ITCH: variants seen among roughly 807,000 people sequenced by gnomAD.
ITCH encodes the protein E3 ubiquitin-protein ligase Itchy homolog.
In ITCH, 28 loss-of-function variants were observed where a neutral mutation model predicts 126.8. That is an observed-to-expected ratio of 0.22 (90% CI 0.16 to 0.30). The LOEUF is 0.30. Among genes scored for constraint, ITCH ranks in the 10% least tolerant of loss-of-function variants. ITCH has a pLI of 1.00. For missense variants in ITCH, 631 were observed against 1,032.4 expected (o/e 0.61, Z 5.33); for synonymous variants, 342 against 340.0 (o/e 1.01, Z -0.06).
intron 7 of ITCH, 143 bp downstream of exon 7, chr20:34,424,668 A>G: frequency 1.3e-6 from 1 of 798,618 alleles, no homozygotes; most frequent in Non-Finnish European, 2.1e-6. Flanking sequence ...AATATTTGCA[A>G]AAGATTGAAG....
Position 34,510,413 on chromosome 20 carries a change from A to G in ITCH, c.*2619A>G, listed in dbSNP as rs1978648568. The G allele has an allele frequency of 6.8e-6, 1 of 147,838 alleles. No individual in the cohort carries two copies. Among genetic ancestry groups the G allele is most frequent in the South Asian group, 2.2e-4 (1 of 4,646 alleles). The allele number at this position is 147,838 out of a possible 1,614,324, so 9.2% of individuals were successfully genotyped here. Reference sequence around the variant, plus strand: ...TGCTTTTAGAAGTCTTTTTCTTTGTAAGCATTGTAAATGCTAATAAATCCT... The same window carrying G: ...TGCTTTTAGAAGTCTTTTTCTTTGTGAGCATTGTAAATGCTAATAAATCCT... On this transcript the variant is annotated 3_prime_UTR_variant, in exon 25 of 25. Coordinates refer to ENST00000374864, the MANE Select transcript of ITCH (RefSeq NM_031483.7).
intron 20 of ITCH, among the ~76,000 whole-genome samples, chr20:34,488,914 C>G (rs6120661): frequency 6.6e-6 from 1 of 152,052 alleles, no homozygotes; most frequent in East Asian, 1.9e-4. Flanking sequence ...TGTTGCACAC[C>G]TATATTCCCA....
At position 34,409,806 on chromosome 20, in the gene ITCH, G is replaced by A. The variant is rs187131751; in HGVS notation, c.212+1014G>A. Among the ~76,000 whole-genome samples the A allele has an allele frequency of 2.4e-4, 36 of 152,132 alleles. No individual in the cohort carries two copies. The East Asian group carries it at 5.4e-3, about 23-fold the overall frequency. On this transcript the variant is annotated intron_variant, in intron 4 of 24. Transcript: ENST00000374864. The stretch of plus-strand genomic sequence containing the variant: ...TTTTAACACAAAGCCCTAAATGTTG[G>A]CATTATAATCTAAGATATTGACAGC...
intron 20 of ITCH, among the ~76,000 whole-genome samples, chr20:34,486,665 T>TTTTATTTA (rs71194610): frequency 0.011 from 1,706 of 149,198 alleles, 29 homozygotes; most frequent in African/African-American, 0.037. Context: ...ATTTTATTTA[T>TTTTATTTA]TTTATTTATT....
intron 12 of ITCH, among the ~76,000 whole-genome samples, chr20:34,451,391 T>C (rs1347334481): frequency 6.6e-6 from 1 of 151,750 alleles, no homozygotes; most frequent in Non-Finnish European, 1.5e-5. Flanking sequence ...GCTTGGGAGT[T>C]TGAGGCTTCA....
At chr20:34,415,890 G>A (rs1209445829) in intron 6 of ITCH, among the ~76,000 whole-genome samples, 3 of 152,062 alleles carry the variant, frequency 2.0e-5, no homozygotes, top group Admixed American at 1.3e-4. Context: ...TTGGGAGGCC[G>A]AGGTGGGCTG....
Position 34,486,213 on chromosome 20 carries a change from C to CTTA in ITCH, c.2094-3052_2094-3050dup, listed in dbSNP as rs1196075679. ...TATTTATTTATTGTAGGAGATGGGT[C>CTTA]TTACTATGTTACCCAGGCTGGTCTC... On this transcript the variant is annotated intron_variant, in intron 20 of 24. Coordinates refer to ENST00000374864, the MANE Select transcript of ITCH (RefSeq NM_031483.7). Among the ~76,000 whole-genome samples the CTTA allele has an allele frequency of 4.6e-4, 70 of 152,026 alleles. 1 individual carries two copies. The highest frequency in any genetic ancestry group is 1.7e-3 in the African/African-American group (70 of 41,456).
At chr20:34,373,897 T>A (rs1343536079) in intron 2 of ITCH, among the ~76,000 whole-genome samples, 1 of 152,096 alleles carries the variant, frequency 6.6e-6, no homozygotes, top group Non-Finnish European at 1.5e-5. Flanking sequence ...TTTTTTTATT[T>A]TTTTTTAAGA....
At chr20:34,385,183 A>G (rs1212479512) in intron 2 of ITCH, among the ~76,000 whole-genome samples, 2 of 138,022 alleles carry the variant, frequency 1.4e-5, no homozygotes, top group Non-Finnish European at 1.5e-5. Flanking sequence ...ACGTCCAGCT[A>G]ATTTTATGTG....
intron 12 of ITCH, among the ~76,000 whole-genome samples, chr20:34,454,014 G>C (rs1050573570): frequency 5.9e-5 from 9 of 151,524 alleles, no homozygotes; most frequent in African/African-American, 2.2e-4. Context: ...AGAAGAAGAA[G>C]AACAAAGAGA....
intron 6 of ITCH, among the ~76,000 whole-genome samples, chr20:34,422,624 A>C (rs1980928487): frequency 6.6e-6 from 1 of 152,114 alleles, no homozygotes; most frequent in African/African-American, 2.4e-5. Context: ...ATACAACATA[A>C]AATTTACCCA....
chr20:34,417,070 T>C, intron 6 of ITCH: 1 of 600,728 alleles, frequency 1.7e-6, no homozygotes, highest in Non-Finnish European at 3.1e-6. Flanking sequence ...CCACCACACC[T>C]GGCTAATTTT....
chr20:34,431,430 G>A (rs1489324415), intron 7 of ITCH, among the ~76,000 whole-genome samples: 4 of 152,138 alleles, frequency 2.6e-5, no homozygotes, highest in Middle Eastern at 3.4e-3. Context: ...AAGGAAGAAA[G>A]GGAGGGCCTT....
At chr20:34,481,231 C>A (rs1228257299) in intron 20 of ITCH, 25 bp downstream of exon 20, 6 of 1,611,278 alleles carry the variant, frequency 3.7e-6, no homozygotes, top group Non-Finnish European at 5.1e-6. Flanking sequence ...TTTCACATTT[C>A]ACTTTTTGTT....
chr20:34,376,154 G>A (rs1439706109), intron 2 of ITCH, among the ~76,000 whole-genome samples: 1 of 152,056 alleles, frequency 6.6e-6, no homozygotes. Context: ...CCTCTGATCT[G>A]GGGCTTGACT....
chr20:34,420,726 G>C (rs1285030874), intron 6 of ITCH, among the ~76,000 whole-genome samples: 1 of 151,706 alleles, frequency 6.6e-6, no homozygotes, highest in Non-Finnish European at 1.5e-5. Context: ...GAAATCCTTG[G>C]GTATATAAAT....
intron 1 of ITCH, among the ~76,000 whole-genome samples, chr20:34,363,656 C>G (rs1367061736): frequency 2.0e-5 from 3 of 152,130 alleles, no homozygotes; most frequent in African/African-American, 4.8e-5. Flanking sequence ...GGCGTGGGTA[C>G]CGTCCGGCCC....
chr20:34,467,322 A>C (rs929863174), intron 14 of ITCH, among the ~76,000 whole-genome samples: 1 of 152,160 alleles, frequency 6.6e-6, no homozygotes, highest in Non-Finnish European at 1.5e-5. Flanking sequence ...TGAGCTCAAG[A>C]GTTCAAGACC....
Position 34,369,397 on chromosome 20 carries a change from C to G in ITCH, c.-95C>G. 1 of 398,994 alleles carries G rather than the reference C, an allele frequency of 2.5e-6. No homozygotes were observed. The highest frequency in any genetic ancestry group is 6.3e-4 in the Middle Eastern group (1 of 1,588). The allele number at this position is 398,994 out of a possible 1,614,324, so 24.7% of individuals were successfully genotyped here. A position where few individuals can be genotyped will look rare whatever the true frequency, so the allele number is the denominator to read the frequency against. Reference sequence around the variant, plus strand: ...TGGACTCTCCTTCCTTTCTCAGGTACCATGCATTTCACGGTGGCCTTGTGG... The same window carrying G: ...TGGACTCTCCTTCCTTTCTCAGGTAGCATGCATTTCACGGTGGCCTTGTGG... On this transcript the variant is annotated 5_prime_UTR_variant, in exon 2 of 25. Transcript: ENST00000374864.
Sources: allele counts gnomAD v4.1 joint callset (sites outside exome capture counted in the v4.1 genomes callset), GRCh38; gene constraint gnomAD v4.1.1; transcripts MANE v1.5; gene names NCBI Gene and HGNC (gene_info 2026-07-23, HGNC 2026-07-21).